The following EPC1 variants were observed in gnomAD, a reference collection of about 807,000 sequenced individuals.
The protein encoded by EPC1 is enhancer of polycomb homolog 1.
EPC1 carries 12 observed loss-of-function variants against 98.4 expected under a neutral mutation model. That is an observed-to-expected ratio of 0.12 (90% CI 0.08 to 0.20). The LOEUF (loss-of-function observed/expected upper bound fraction) is 0.20, where lower values mean the gene tolerates loss of function less well. Ranked by LOEUF, EPC1 falls within the 10% of genes least tolerant of loss-of-function variation. EPC1 has a pLI of 1.00. For synonymous variants in EPC1, 357 were observed against 363.9 expected, an observed-to-expected ratio of 0.98 and a Z score of 0.21; for missense variants, 729 against 990.5, an observed-to-expected ratio of 0.74 and a Z score of 3.54.
intron 1 of EPC1, among the ~76,000 whole-genome samples, 190 bp from the exon 2 acceptor site, chr10:32,306,121 T>G (rs138011098): frequency 2.0e-3 from 299 of 152,314 alleles, no homozygotes; most frequent in Middle Eastern, 3.4e-3. Flanking sequence ...AAAAAAATTT[T>G]GTCAGAAACA....
At chr10:32,297,792 G>GATT (rs113992440) in intron 2 of EPC1, among the ~76,000 whole-genome samples, 24,812 of 151,042 alleles carry the variant, frequency 0.16, 2,195 homozygotes, top group South Asian at 0.31. Flanking sequence ...ACATTGAATA[G>GATT]ATTATTATTA....
intron 1 of EPC1, among the ~76,000 whole-genome samples, chr10:32,364,702 C>G (rs530673719): frequency 2.6e-5 from 4 of 152,046 alleles, no homozygotes; most frequent in South Asian, 2.1e-4. Context: ...ATGTAAAAAG[C>G]CAAGAAAAGA....
intron 2 of EPC1, among the ~76,000 whole-genome samples, chr10:32,303,909 C>T (rs1307936180): frequency 1.3e-5 from 2 of 152,206 alleles, no homozygotes; most frequent in African/African-American, 4.8e-5. Flanking sequence ...AGGAACTGTG[C>T]AGGAGACTTC....
chr10:32,320,203 TA>T (rs1301668846), intron 1 of EPC1, among the ~76,000 whole-genome samples: 1 of 151,552 alleles, frequency 6.6e-6, no homozygotes, highest in African/African-American at 2.4e-5. Flanking sequence ...TTTTTTTTTT[TA>T]AATAAAGCTA....
chr10:32,338,645 T>C (rs1279578829), intron 1 of EPC1, among the ~76,000 whole-genome samples: 3 of 152,164 alleles, frequency 2.0e-5, no homozygotes, highest in African/African-American at 7.2e-5. Context: ...CCTGTAGGTC[T>C]CTCTGGATTA....
At chr10:32,377,557 G>A (rs1592646910) in intron 1 of EPC1, 1 of 152,154 alleles carries the variant, frequency 6.6e-6, no homozygotes, top group African/African-American at 2.4e-5. Context: ...TGGTTGTGAC[G>A]ACATGTCTGC....
At chr10:32,340,567 C>A (rs758601824) in intron 1 of EPC1, among the ~76,000 whole-genome samples, 1 of 152,176 alleles carries the variant, frequency 6.6e-6, no homozygotes, top group African/African-American at 2.4e-5. Flanking sequence ...CAGTGGTTCT[C>A]GCCTATAATC....
At chr10:32,344,837 C>A (rs988283722) in intron 1 of EPC1, among the ~76,000 whole-genome samples, 1 of 151,976 alleles carries the variant, frequency 6.6e-6, no homozygotes, top group Admixed American at 6.6e-5. Context: ...AAAAATTACC[C>A]GTAAAATTTA....
chr10:32,328,939 G>A (rs889107361), intron 1 of EPC1, among the ~76,000 whole-genome samples: 3 of 152,202 alleles, frequency 2.0e-5, no homozygotes, highest in Admixed American at 6.5e-5. Context: ...AGAATTATGC[G>A]TATCACCTGG....
intron 1 of EPC1, among the ~76,000 whole-genome samples, chr10:32,334,100 G>C (rs1837806259): frequency 6.6e-6 from 1 of 152,200 alleles, no homozygotes; most frequent in Admixed American, 6.5e-5. Flanking sequence ...TGAGAGCAGG[G>C]GTGAATTACA....
chr10:32,365,860 G>T (rs1839587968), intron 1 of EPC1, among the ~76,000 whole-genome samples: 1 of 123,906 alleles, frequency 8.1e-6, no homozygotes, highest in Admixed American at 9.4e-5. Flanking sequence ...AAGGACAGGT[G>T]CAATGGCTCA....
chr10:32,309,486 T>A (rs1465851028), intron 1 of EPC1, among the ~76,000 whole-genome samples: 1 of 111,832 alleles, frequency 8.9e-6, no homozygotes, highest in East Asian at 3.0e-4. Context: ...CTGGGAGTAT[T>A]TTCAAGCTTT....
At chr10:32,270,739 T>C (rs1195359399) in intron 13 of EPC1, among the ~76,000 whole-genome samples, 2 of 140,204 alleles carry the variant, frequency 1.4e-5, no homozygotes, top group East Asian at 2.2e-4. Context: ...ACAGAATCAC[T>C]TGAACCTGGG....
chr10:32,363,166 G>C (rs9417045), intron 1 of EPC1, among the ~76,000 whole-genome samples: 79,745 of 151,612 alleles, frequency 0.53, 23,166 homozygotes, highest in East Asian at 0.69. Flanking sequence ...CTTGACCTCT[G>C]AGGCTCAGGC....
chr10:32,314,467 G>C (rs1415135021), intron 1 of EPC1, among the ~76,000 whole-genome samples: 1 of 152,172 alleles, frequency 6.6e-6, no homozygotes. Context: ...GTGAATTTTA[G>C]CTTCAACATC....
chr10:32,344,990 T>TC (rs1838664048), intron 1 of EPC1: 1 of 296,074 alleles, frequency 3.4e-6, no homozygotes, highest in Non-Finnish European at 5.0e-6. Flanking sequence ...GCTTTCCCCT[T>TC]CCTTGGCTGC....
At chr10:32,313,051 A>G (rs1341600190) in intron 1 of EPC1, among the ~76,000 whole-genome samples, 1 of 152,048 alleles carries the variant, frequency 6.6e-6, no homozygotes, top group Non-Finnish European at 1.5e-5. Context: ...ATTTAAGTGT[A>G]CAGAAGGCTG....
intron 11 of EPC1, chr10:32,272,388 T>C (rs1835890698): frequency 2.1e-6 from 1 of 473,072 alleles, no homozygotes; most frequent in Non-Finnish European, 3.7e-6. Flanking sequence ...TTTTGCTTCA[T>C]ATGTGACAAT....
Position 32,291,334 on chromosome 10 carries a change from C to A in EPC1, c.816-12G>T, listed in dbSNP as rs745478466. On this transcript the variant is annotated splice_polypyrimidine_tract_variant and intron_variant, in intron 5 of 13. Coordinates refer to ENST00000319778, the MANE Select transcript of EPC1 (RefSeq NM_001272004.3). The stretch of plus-strand genomic sequence containing the variant: ...CGCCCAAATTATACCTAAAATTATA[C>A]AAATGAAAGTTTAAAATTATATATA... 1.1e-5 allele frequency: 17 copies of A among 1,589,530 alleles called. No individual in the cohort carries two copies. The South Asian group carries it at 1.8e-4, about 17-fold the overall frequency.
Sources: gnomAD v4.1 joint callset for allele counts (sites outside exome capture counted in the v4.1 genomes callset) on GRCh38, gnomAD v4.1.1 for gene constraint, MANE v1.5 for transcripts, NCBI Gene and HGNC (gene_info 2026-07-23, HGNC 2026-07-21) for gene names.